The following CDH18 variants were observed in gnomAD, a reference collection of about 807,000 sequenced individuals.
The protein encoded by CDH18 is cadherin 18, also known as cadherin-18.
A neutral mutation model predicts 67.9 loss-of-function variants in CDH18; 31 were observed. The observed-to-expected ratio is 0.46, with a 90% CI of 0.34 to 0.62. CDH18 has a LOEUF of 0.62. Among genes scored for constraint, CDH18 ranks in the 20% least tolerant of loss-of-function variants. The pLI is 0.01. For synonymous variants in CDH18, 362 were observed against 347.2 expected, an observed-to-expected ratio of 1.04 and a Z score of -0.48; for missense variants, 890 against 975.5, an observed-to-expected ratio of 0.91 and a Z score of 1.17.
intron 5 of CDH18, among the ~76,000 whole-genome samples, chr5:19,714,837 A>G (rs1765151296): frequency 1.3e-5 from 2 of 152,022 alleles, no homozygotes; most frequent in Admixed American, 1.3e-4. Flanking sequence ...CCAAGAATCT[A>G]TGAATGATAA....
intron 1 of CDH18, among the ~76,000 whole-genome samples, chr5:20,522,152 C>A: frequency 6.6e-6 from 1 of 152,220 alleles, no homozygotes; most frequent in Non-Finnish European, 1.5e-5. Context: ...GAGTCCACAG[C>A]GGGAAGTTAG....
intron 2 of CDH18, among the ~76,000 whole-genome samples, chr5:20,231,642 A>G (rs1306257835): frequency 2.0e-5 from 3 of 151,854 alleles, no homozygotes; most frequent in Admixed American, 6.6e-5. Context: ...AAAGGAAAAG[A>G]AAAGAAACAA....
chr5:19,602,242 C>A lies in CDH18; in HGVS notation c.811+10192G>T, dbSNP rs925481574. 6.6e-5 allele frequency among the ~76,000 whole-genome samples: 10 copies of A among 152,190 alleles called. No homozygotes were observed. The East Asian group carries it at 1.9e-3, about 29-fold the overall frequency. On this transcript the variant is annotated intron_variant, in intron 6 of 12. Coordinates refer to ENST00000382275, the MANE Select transcript of CDH18 (RefSeq NM_004934.5). ...ACAGACACACCCCCACATACAAACA[C>A]ACACAAACTTTTAGAACTAATAAAG... is the stretch of plus-strand genomic sequence containing the variant.
chr5:20,015,732 C>A (rs187186760), intron 2 of CDH18, among the ~76,000 whole-genome samples: 3 of 152,138 alleles, frequency 2.0e-5, no homozygotes, highest in Admixed American at 2.0e-4. Flanking sequence ...TGAATGTTCC[C>A]AGTATGCATG....
chr5:20,266,571 A>ATTTTTTTTTTTTTTTTTTTTTTTTTTTT (rs34718835), intron 1 of CDH18, among the ~76,000 whole-genome samples: 10 of 59,184 alleles, frequency 1.7e-4, no homozygotes, highest in African/African-American at 4.2e-4. Flanking sequence ...GCCCGGCTGA[A>ATTTTTTTTTTTTTTTTTTTTTTTTTTTT]TTTTTTTTTT....
At chr5:19,876,569 G>C (rs544007832) in intron 2 of CDH18, among the ~76,000 whole-genome samples, 2 of 152,190 alleles carry the variant, frequency 1.3e-5, no homozygotes, top group African/African-American at 4.8e-5. Context: ...TGGTTACCCT[G>C]TCTCAGTTCT....
chr5:19,501,165 A>C (rs1462580631), intron 11 of CDH18, among the ~76,000 whole-genome samples: 1 of 143,156 alleles, frequency 7.0e-6, no homozygotes, highest in South Asian at 2.1e-4. Context: ...TTACATTTAC[A>C]TATATATAAA....
At chr5:20,317,896 C>A (rs1182049251) in intron 1 of CDH18, among the ~76,000 whole-genome samples, 2 of 152,112 alleles carry the variant, frequency 1.3e-5, no homozygotes, top group East Asian at 3.9e-4. Context: ...ATGCAATGTT[C>A]TACTAAAAAC....
chr5:19,803,226 G>C (rs140720642), intron 3 of CDH18, among the ~76,000 whole-genome samples: 6 of 152,210 alleles, frequency 3.9e-5, no homozygotes, highest in Admixed American at 3.9e-4. Context: ...CCCAGTCTTC[G>C]TAACATTTTT....
intron 3 of CDH18, among the ~76,000 whole-genome samples, chr5:19,753,896 A>G (rs1020345839): frequency 1.1e-4 from 17 of 152,194 alleles, no homozygotes; most frequent in Admixed American, 6.5e-5. Flanking sequence ...TATATGAAAG[A>G]AAGATACAGT....
intron 1 of CDH18, among the ~76,000 whole-genome samples, chr5:20,492,650 T>G (rs541676085): frequency 4.9e-4 from 75 of 152,256 alleles, no homozygotes; most frequent in African/African-American, 1.6e-3. Context: ...GTAAATGGTA[T>G]AATAAGAAAA....
At chr5:19,818,236 A>G (rs1157020468) in intron 3 of CDH18, among the ~76,000 whole-genome samples, 2 of 152,158 alleles carry the variant, frequency 1.3e-5, no homozygotes, top group Non-Finnish European at 2.9e-5. Context: ...GTAATACAGG[A>G]AGTAAATGGA....
At chr5:19,560,921 G>T (rs984389473) in intron 8 of CDH18, among the ~76,000 whole-genome samples, 1 of 151,888 alleles carries the variant, frequency 6.6e-6, no homozygotes, top group Non-Finnish European at 1.5e-5. Flanking sequence ...TCAACATCAC[G>T]AATTATCAGG....
At chr5:19,939,933 A>C (rs1057465660) in intron 2 of CDH18, among the ~76,000 whole-genome samples, 5 of 151,860 alleles carry the variant, frequency 3.3e-5, no homozygotes, top group African/African-American at 1.2e-4. Flanking sequence ...AAATTTGGGA[A>C]TTCTTTCTTC....
Position 19,938,078 on chromosome 5 carries a change from A to G in CDH18, c.-257+42982T>C, listed in dbSNP as rs536406504. Among the ~76,000 whole-genome samples the G allele has an allele frequency of 2.1e-3, 309 of 149,286 alleles. 2 individuals are homozygous for G. Among genetic ancestry groups the G allele is most frequent in the African/African-American group, 7.0e-3 (289 of 41,082 alleles). On this transcript the variant is annotated intron_variant, in intron 2 of 12. Coordinates refer to ENST00000382275, the MANE Select transcript of CDH18 (RefSeq NM_004934.5). ...ATATATATATTTAAACAATGGATAC[A>G]TAGACTTTTTTTGGGAGATGGTGTT... is the stretch of plus-strand genomic sequence containing the variant.
intron 2 of CDH18, among the ~76,000 whole-genome samples, chr5:20,212,492 T>C (rs546476272): frequency 7.3e-5 from 11 of 151,664 alleles, no homozygotes; most frequent in African/African-American, 2.4e-4. Flanking sequence ...TTCACCAAGG[T>C]TGAAATGAAG....
At chr5:19,626,677 C>G (rs1737896946) in intron 5 of CDH18, among the ~76,000 whole-genome samples, 2 of 150,984 alleles carry the variant, frequency 1.3e-5, no homozygotes, top group Admixed American at 6.6e-5. Context: ...CACTGACATT[C>G]TAGGAAAGGC....
chr5:20,046,089 T>C lies in CDH18; in HGVS notation c.-517-54075A>G, dbSNP rs377128230. Among the ~76,000 whole-genome samples the C allele has an allele frequency of 3.3e-5, 5 of 152,056 alleles. No individual in the cohort carries two copies. The East Asian group carries it at 9.7e-4, about 29-fold the overall frequency. On this transcript the variant is annotated intron_variant, in intron 2 of 14. Transcript: ENST00000507958. ...GAAATAGCAGAAAATGTAGAGACTTTAGGATGCTATTACAAAAGTCCAGGG... is the reference window on the plus strand; with the variant it reads ...GAAATAGCAGAAAATGTAGAGACTTCAGGATGCTATTACAAAAGTCCAGGG...
intron 2 of CDH18, among the ~76,000 whole-genome samples, chr5:20,155,611 T>C (rs1751463650): frequency 6.6e-6 from 1 of 152,120 alleles, no homozygotes; most frequent in Admixed American, 6.6e-5. Flanking sequence ...GTTTTTGTTG[T>C]GTTTCCTTTG....
Sources: allele counts gnomAD v4.1 joint callset (sites outside exome capture counted in the v4.1 genomes callset), GRCh38; gene constraint gnomAD v4.1.1; transcripts MANE v1.5; gene names NCBI Gene and HGNC (gene_info 2026-07-23, HGNC 2026-07-21).